MAP3K4: variants seen among roughly 807,000 people sequenced by gnomAD.
The protein encoded by MAP3K4 is mitogen-activated protein kinase kinase kinase 4.
A neutral mutation model predicts 185.6 loss-of-function variants in MAP3K4; 67 were observed. The ratio of observed to expected loss-of-function variants is 0.36; its 90% CI spans 0.30 to 0.44. MAP3K4 has a LOEUF of 0.44. MAP3K4 is among the 20% of genes least tolerant of loss of function. The pLI, the probability that MAP3K4 is intolerant of heterozygous loss-of-function variation, is 1.00. For synonymous variants in MAP3K4, 702 were observed against 710.4 expected (o/e 0.99, Z 0.19); for missense variants, 1,551 against 1,995.1 (o/e 0.78, Z 4.24).
chr6:161,031,235 G>A (rs1204020522), intron 1 of MAP3K4, among the ~76,000 whole-genome samples: 1 of 152,150 alleles, frequency 6.6e-6, no homozygotes, highest in African/African-American at 2.4e-5. Context: ...ACAAGGGACT[G>A]TTAGCTTCTA....
chr6:161,026,174 A>G (rs1782641051), intron 1 of MAP3K4, among the ~76,000 whole-genome samples: 1 of 151,726 alleles, frequency 6.6e-6, no homozygotes, highest in African/African-American at 2.4e-5. Flanking sequence ...TCTGTGGCCC[A>G]GGCTGGAGTG....
chr6:161,068,945 T>G (rs534052086), intron 3 of MAP3K4, among the ~76,000 whole-genome samples: 19 of 152,050 alleles, frequency 1.2e-4, no homozygotes, highest in African/African-American at 4.6e-4. Flanking sequence ...GATGTGGGGG[T>G]TTATGCAAAC....
Position 161,076,748 on chromosome 6 carries a change from G to GT in MAP3K4, c.2097+3136_2097+3137insT, listed in dbSNP as rs1785196349. ...GTACACAATTTGAGTTTCTGCAGAA[G>GT]AACAAAGAGCAAAGAAGCAGGGAAG... On this transcript the variant is annotated intron_variant, in intron 5 of 26. Coordinates refer to ENST00000392142, the MANE Select transcript of MAP3K4 (RefSeq NM_005922.4). This position sits in a 1 kb window ranked among gnomAD's most constrained non-coding sequence, Gnocchi z 4.2. 6.6e-6 allele frequency among the ~76,000 whole-genome samples: 1 copy of GT among 152,234 alleles called. No individual in the cohort carries two copies. Among genetic ancestry groups the GT allele is most frequent in the African/African-American group, 2.4e-5 (1 of 41,466 alleles).
At chr6:161,068,633 C>T (rs887136606) in intron 3 of MAP3K4, among the ~76,000 whole-genome samples, 20 of 152,178 alleles carry the variant, frequency 1.3e-4, no homozygotes, top group Middle Eastern at 3.4e-3. Context: ...TGGATTGACG[C>T]GTTGTAATCA....
intron 1 of MAP3K4, 167 bp downstream of exon 1, chr6:160,992,250 C>T (rs559290424): frequency 2.4e-4 from 225 of 943,968 alleles, no homozygotes; most frequent in Non-Finnish European, 2.3e-4. Context: ...CCCAGGGGAC[C>T]GCGTCTGAGT....
At position 161,037,781 on chromosome 6, in the gene MAP3K4, A is replaced by G. The variant is rs1360371681; in HGVS notation, c.343+3332A>G. Reference sequence around the variant, plus strand: ...TTCTTGACTTAAATCTTAAAGCAAAATTAAATAATTACATTGTTGACATAT... The same window carrying G: ...TTCTTGACTTAAATCTTAAAGCAAAGTTAAATAATTACATTGTTGACATAT... On this transcript the variant is annotated intron_variant, in intron 2 of 26. Coordinates refer to ENST00000392142, the MANE Select transcript of MAP3K4 (RefSeq NM_005922.4). This position sits in a 1 kb window ranked among gnomAD's most constrained non-coding sequence, Gnocchi z 4.2. Among the ~76,000 whole-genome samples the G allele has an allele frequency of 6.6e-6, 1 of 152,184 alleles. No homozygotes were observed. Among genetic ancestry groups the G allele is most frequent in the Non-Finnish European group, 1.5e-5 (1 of 68,036 alleles).
chr6:161,106,682 A>G lies in MAP3K4; in HGVS notation c.4025A>G (p.Lys1342Arg), dbSNP rs778918025. The G allele has an allele frequency of 1.3e-5, 21 of 1,611,132 alleles. No individual in the cohort carries two copies. Among genetic ancestry groups the G allele is most frequent in the African/African-American group, 5.4e-5 (4 of 74,706 alleles). The change falls in exon 20 of 27, where the codon AAA (lysine) becomes AGA (arginine). Residue 1342 changes from lysine (K) to arginine (R), a missense_variant. Around this residue, in one of 16 missense-constraint regions of MAP3K4, gnomAD observed 7 missense variants for 32.4 expected, o/e 0.22. Coordinates refer to ENST00000392142, the MANE Select transcript of MAP3K4 (RefSeq NM_005922.4). This position sits in a 1 kb window ranked among gnomAD's most constrained non-coding sequence, Gnocchi z 4.9. ...MHVGLRKVTF[K>R]WQRGNKIGEG... Reference sequence around the variant, plus strand: ...GTTGGCTTGAGGAAGGTGACCTTCAAATGGCAAAGAGGAAACAAAATTGGT... The same window carrying G: ...GTTGGCTTGAGGAAGGTGACCTTCAGATGGCAAAGAGGAAACAAAATTGGT...
chr6:161,026,686 G>A (rs1356555363), intron 1 of MAP3K4, among the ~76,000 whole-genome samples: 1 of 144,606 alleles, frequency 6.9e-6, no homozygotes, highest in Non-Finnish European at 1.5e-5. Flanking sequence ...GTCTTTTTAT[G>A]TGTAATGGGA....
intron 1 of MAP3K4, among the ~76,000 whole-genome samples, chr6:161,024,099 C>T (rs1276640853): frequency 7.9e-5 from 12 of 151,992 alleles, no homozygotes; most frequent in African/African-American, 1.5e-4. Flanking sequence ...CCTGAGTAGC[C>T]GGGACTACAG....
At position 161,053,004 on chromosome 6, in the gene MAP3K4, C is replaced by T. The variant is rs941257593; in HGVS notation, c.1707+3025C>T. Among the ~76,000 whole-genome samples the T allele has an allele frequency of 2.0e-5, 3 of 151,980 alleles. No homozygotes were observed. Among genetic ancestry groups the T allele is most frequent in the Non-Finnish European group, 4.4e-5 (3 of 67,996 alleles). ...TTGTTGTGAGGCTGAAAAAGATAGG[C>T]GGTAAGTGGTGTTTTCATTCCCACA... On this transcript the variant is annotated intron_variant, in intron 3 of 26. Coordinates refer to ENST00000392142, the MANE Select transcript of MAP3K4 (RefSeq NM_005922.4). The surrounding 1 kb of genome is among the most constrained non-coding windows in gnomAD (Gnocchi z 4.2).
At position 161,064,789 on chromosome 6, in the gene MAP3K4, A is replaced by G. The variant is rs1784629892; in HGVS notation, c.1708-5819A>G. Among the ~76,000 whole-genome samples the G allele has an allele frequency of 6.6e-6, 1 of 152,214 alleles. No homozygotes were observed. The highest frequency in any genetic ancestry group is 1.5e-5 in the Non-Finnish European group (1 of 68,036). ...ATGATTAGAAGAGACACAAGATGGA[A>G]ATAAAGATTTTATTACTTGCAGGTT... On this transcript the variant is annotated intron_variant, in intron 3 of 26. Coordinates refer to ENST00000392142, the MANE Select transcript of MAP3K4 (RefSeq NM_005922.4). The surrounding 1 kb of genome is among the most constrained non-coding windows in gnomAD (Gnocchi z 4.3).
chr6:161,036,029 T>C (rs906826598), intron 2 of MAP3K4, among the ~76,000 whole-genome samples: 22 of 152,340 alleles, frequency 1.4e-4, no homozygotes, highest in Middle Eastern at 3.4e-3. Flanking sequence ...CAACAGTGTT[T>C]ACGCTTATCC....
chr6:161,051,938 T>C lies in MAP3K4; in HGVS notation c.1707+1959T>C, dbSNP rs949349519. Among the ~76,000 whole-genome samples, 2 of 152,222 alleles carry C rather than the reference T, an allele frequency of 1.3e-5. No homozygotes were observed. Among genetic ancestry groups the C allele is most frequent in the African/African-American group, 2.4e-5 (1 of 41,474 alleles). ...GTGGGCTAAAACAGTCCTCCTGCCT[T>C]AGCCTCCTGAGTAGCTTGTATTACT... is the stretch of plus-strand genomic sequence containing the variant. On this transcript the variant is annotated intron_variant, in intron 3 of 26. Transcript: ENST00000392142. The surrounding 1 kb of genome is among the most constrained non-coding windows in gnomAD (Gnocchi z 4.2).
rs377273633 is a variant in MAP3K4, at chr6:161,092,962, C to T, written c.3270-16C>T. On this transcript the variant is annotated splice_polypyrimidine_tract_variant and intron_variant, in intron 13 of 26. Coordinates refer to ENST00000392142, the MANE Select transcript of MAP3K4 (RefSeq NM_005922.4). Reference sequence around the variant, plus strand: ...TCTTGGTTGTTATGTGATTACTGAACTTTTTCGTGTACCAGGTGGGCGACT... The same window carrying T: ...TCTTGGTTGTTATGTGATTACTGAATTTTTTCGTGTACCAGGTGGGCGACT... 6.3e-7 allele frequency: 1 copy of T among 1,587,372 alleles called. No individual in the cohort carries two copies. Among genetic ancestry groups the T allele is most frequent in the South Asian group, 1.1e-5 (1 of 90,402 alleles).
At chr6:160,992,359 A>C in intron 1 of MAP3K4, 3 of 466,474 alleles carry the variant, frequency 6.4e-6, no homozygotes, top group East Asian at 8.0e-5. Flanking sequence ...CTCACCCTCA[A>C]CGTTGCGGGG....
chr6:161,081,066 ACG>A, intron 6 of MAP3K4, 28 bp downstream of exon 6: 2 of 1,608,936 alleles, frequency 1.2e-6, no homozygotes, highest in Non-Finnish European at 1.7e-6. Flanking sequence ...TCTGAACGCG[ACG>A]CTCCCACCTT....
chr6:161,015,623 A>C (rs1782060892), intron 1 of MAP3K4, among the ~76,000 whole-genome samples: 1 of 152,078 alleles, frequency 6.6e-6, no homozygotes, highest in East Asian at 1.9e-4. Context: ...GGAAGCTTCC[A>C]CTCAAGGTAG....
At position 161,097,186 on chromosome 6, in the gene MAP3K4, G is replaced by T. The variant is rs1443955071; in HGVS notation, c.3524+10G>T. ...CTCCAGAGGGATTCAGGTATTTGGT[G>T]CTTATCTAGTCATTTGCTTTACAGA... On this transcript the variant is annotated intron_variant, in intron 16 of 26. Transcript: ENST00000392142. The surrounding 1 kb of genome is among the most constrained non-coding windows in gnomAD (Gnocchi z 4.9). 2 of 1,611,660 alleles carry T rather than the reference G, an allele frequency of 1.2e-6. No individual in the cohort carries two copies. Among genetic ancestry groups the T allele is most frequent in the Non-Finnish European group, 1.7e-6 (2 of 1,177,890 alleles).
chr6:161,075,332 T>A lies in MAP3K4; in HGVS notation c.2097+1720T>A, dbSNP rs796266821. ...ACCACACCTGGCTAATTTTTAAAAA[T>A]TTTTTTGTAGAGTCAGGGTCTCACT... On this transcript the variant is annotated intron_variant, in intron 5 of 26. Coordinates refer to ENST00000392142, the MANE Select transcript of MAP3K4 (RefSeq NM_005922.4). The surrounding 1 kb of genome is among the most constrained non-coding windows in gnomAD (Gnocchi z 4.3). 1.5e-4 allele frequency among the ~76,000 whole-genome samples: 23 copies of A among 152,188 alleles called. No homozygotes were observed. Among genetic ancestry groups the A allele is most frequent in the Middle Eastern group, 3.4e-3 (1 of 294 alleles).
Sources: gnomAD v4.1 joint callset for allele counts (sites outside exome capture counted in the v4.1 genomes callset) on GRCh38, gnomAD v4.1.1 for gene constraint, gnomAD v4.1.1 regional missense constraint, Gnocchi (gnomAD v3.1) non-coding constraint, MANE v1.5 for transcripts, NCBI Gene and HGNC (gene_info 2026-07-23, HGNC 2026-07-21) for gene names.